The following USP14 variants were observed in gnomAD, a reference collection of about 807,000 sequenced individuals.
USP14 encodes the protein ubiquitin specific peptidase 14.
Under a neutral mutation model 76.5 loss-of-function variants are expected in USP14, and 38 were observed. The ratio of observed to expected loss-of-function variants is 0.50; its 90% CI spans 0.38 to 0.65. The LOEUF (loss-of-function observed/expected upper bound fraction) is 0.65. USP14 is among the 30% of genes least tolerant of loss of function. The pLI is 0.00. For synonymous variants in USP14, 192 were observed against 191.7 expected (o/e 1.00, Z -0.01); for missense variants, 467 against 586.5 (o/e 0.80, Z 2.10).
At chr18:200,524 C>G (rs891816933) in intron 10 of USP14, among the ~76,000 whole-genome samples, 1 of 152,182 alleles carries the variant, frequency 6.6e-6, no homozygotes, top group African/African-American at 2.4e-5. Context: ...CTAGAACTTG[C>G]TTCTTTCATT....
intron 5 of USP14, among the ~76,000 whole-genome samples, chr18:184,597 GACAA>G (rs949434214): frequency 6.6e-6 from 1 of 151,966 alleles, no homozygotes; most frequent in African/African-American, 2.4e-5. Context: ...CTACAAAACA[GACAA>G]ACAAACAAAA....
In USP14 at chr18:179,086, C is replaced by A. The variant is rs1387447033; in HGVS notation, c.300+49C>A. 4.5e-6 allele frequency: 6 copies of A among 1,345,310 alleles called. No homozygotes were observed. In the African/African-American group the frequency reaches 8.8e-5, roughly 20 times the overall value. The allele number at this position is 1,345,310 out of a possible 1,614,324, so 83.3% of individuals were successfully genotyped here. A position where few individuals can be genotyped will look rare whatever the true frequency, so the allele number is the denominator to read the frequency against. ...GTTTGATCACTACTTTTTGAAGGAC[C>A]ATTATTAAGGTGTCTTTCAGAAAGT... On this transcript the variant is annotated intron_variant, in intron 4 of 15. Transcript: ENST00000261601.
intron 9 of USP14, 118 bp from the exon 10 acceptor site, chr18:199,084 T>C (rs1250467481): frequency 1.6e-6 from 1 of 637,128 alleles, no homozygotes; most frequent in Admixed American, 3.3e-5. Flanking sequence ...GACTAAAAGG[T>C]TTTAAATGCC....
intron 3 of USP14, among the ~76,000 whole-genome samples, chr18:168,557 C>G (rs1344379730): frequency 1.3e-5 from 2 of 151,796 alleles, no homozygotes; most frequent in African/African-American, 4.8e-5. Context: ...GCCTCAACCT[C>G]CTGAGTAGTT....
chr18:171,359 A>ATT (rs1909458865), intron 3 of USP14, among the ~76,000 whole-genome samples: 1 of 152,096 alleles, frequency 6.6e-6, no homozygotes, highest in African/African-American at 2.4e-5. Flanking sequence ...TAATGACTTT[A>ATT]AGTTGAAACC....
Position 173,929 on chromosome 18 carries a change from T to G in USP14, c.196-5004T>G, listed in dbSNP as rs1332687909. 5.9e-5 allele frequency among the ~76,000 whole-genome samples: 9 copies of G among 152,362 alleles called. 1 individual carries two copies. In the East Asian group the frequency reaches 1.2e-3, roughly 20 times the overall value. The stretch of plus-strand genomic sequence containing the variant: ...TCTTCCATTGATTTTTATATGTACC[T>G]TTGTACCAGTACCCATTCCCTGCTG... On this transcript the variant is annotated intron_variant, in intron 3 of 15. Transcript: ENST00000261601.
intron 12 of USP14, 25 bp from the exon 13 acceptor site, chr18:204,539 A>G: frequency 6.6e-7 from 1 of 1,524,162 alleles, no homozygotes; most frequent in Non-Finnish European, 8.8e-7. Flanking sequence ...GTGTTTACAC[A>G]TGTTTTTTGT....
At chr18:209,705 C>T (rs975613866) in intron 13 of USP14, among the ~76,000 whole-genome samples, 2 of 152,136 alleles carry the variant, frequency 1.3e-5, no homozygotes, top group African/African-American at 2.4e-5. Flanking sequence ...TTCACTGGTA[C>T]GCTTTCACTT....
chr18:171,767 G>A (rs1188408996), intron 3 of USP14, among the ~76,000 whole-genome samples: 1 of 152,152 alleles, frequency 6.6e-6, no homozygotes, highest in Non-Finnish European at 1.5e-5. Flanking sequence ...AAAACCTTCT[G>A]GAAAGGATTC....
intron 2 of USP14, among the ~76,000 whole-genome samples, chr18:165,204 C>T (rs1460850693): frequency 2.0e-5 from 3 of 152,176 alleles, no homozygotes; most frequent in African/African-American, 7.2e-5. Flanking sequence ...CCTCGGGCCT[C>T]CCAAAGTGCT....
At chr18:204,904 CTTT>C (rs775473299) in intron 13 of USP14, among the ~76,000 whole-genome samples, 5 of 144,244 alleles carry the variant, frequency 3.5e-5, no homozygotes, top group Non-Finnish European at 6.1e-5. Context: ...TTTTATTTTC[CTTT>C]TTTTTTTTTT....
rs528261230 is a variant in USP14, at chr18:195,946, T to A, written c.464-691T>A. 7.2e-5 allele frequency among the ~76,000 whole-genome samples: 11 copies of A among 152,238 alleles called. No individual in the cohort carries two copies. The South Asian group carries it at 2.3e-3, about 32-fold the overall frequency. On this transcript the variant is annotated intron_variant, in intron 6 of 15. Coordinates refer to ENST00000261601, the MANE Select transcript of USP14 (RefSeq NM_005151.4). ...TACAGCTAGTGATTGCTTTGTAAGGTCTTCTGGTGAGTTAAGATTTAAAAA... is the reference window on the plus strand; with the variant it reads ...TACAGCTAGTGATTGCTTTGTAAGGACTTCTGGTGAGTTAAGATTTAAAAA...
chr18:189,742 A>C (rs890581698), intron 5 of USP14, among the ~76,000 whole-genome samples: 1 of 152,156 alleles, frequency 6.6e-6, no homozygotes, highest in South Asian at 2.1e-4. Context: ...CGGCCTCCCA[A>C]GTGCTGGGAT....
intron 3 of USP14, 54 bp from the exon 4 acceptor site, chr18:178,879 A>C (rs77511266): frequency 1.4e-6 from 2 of 1,406,142 alleles, no homozygotes; most frequent in Non-Finnish European, 2.0e-6. Flanking sequence ...TTGGTTTGAC[A>C]TAAACATTAC....
chr18:158,809 G>C (rs1909028565), intron 1 of USP14, 95 bp downstream of exon 1: 3 of 1,281,214 alleles, frequency 2.3e-6, no homozygotes. Context: ...GGCATGGACT[G>C]GGAGGGGCCG....
intron 9 of USP14, among the ~76,000 whole-genome samples, chr18:198,943 A>C (rs965473290): frequency 1.3e-5 from 2 of 152,230 alleles, no homozygotes; most frequent in South Asian, 4.1e-4. Flanking sequence ...ATAAGACCAT[A>C]CTAAATACCA....
Position 202,810 on chromosome 18 carries a change from G to T in USP14, c.877-70G>T, listed in dbSNP as rs185057299. The T allele has an allele frequency of 3.5e-5, 52 of 1,491,220 alleles. No individual in the cohort carries two copies. In the African/African-American group the frequency reaches 6.7e-4, roughly 19 times the overall value. The allele number at this position is 1,491,220 out of a possible 1,614,324, so 92.4% of individuals were successfully genotyped here. On this transcript the variant is annotated intron_variant, in intron 10 of 15. Coordinates refer to ENST00000261601, the MANE Select transcript of USP14 (RefSeq NM_005151.4). ...GTGCTAGTTTTTAAAAGGCTTACTG[G>T]TGTGATTCTATATTGCAGAAATAAA... is the stretch of plus-strand genomic sequence containing the variant.
chr18:183,723 G>A (rs1310442468), intron 5 of USP14, among the ~76,000 whole-genome samples: 1 of 149,294 alleles, frequency 6.7e-6, no homozygotes, highest in Admixed American at 6.7e-5. Context: ...TTTTTCTGAG[G>A]CTCTGAAGTA....
At chr18:206,647 C>T (rs1910535973) in intron 13 of USP14, among the ~76,000 whole-genome samples, 1 of 152,142 alleles carries the variant, frequency 6.6e-6, no homozygotes, top group South Asian at 2.1e-4. Context: ...CACCTGTAAT[C>T]CCAGCACTTT....
Sources: gnomAD v4.1 joint callset for allele counts (sites outside exome capture counted in the v4.1 genomes callset) on GRCh38, gnomAD v4.1.1 for gene constraint, MANE v1.5 for transcripts, NCBI Gene and HGNC (gene_info 2026-07-23, HGNC 2026-07-21) for gene names.